Variants in NEK1 observed in about 807,000 individuals in gnomAD.
NEK1 encodes the protein NIMA related kinase 1.
A neutral mutation model predicts 182.1 loss-of-function variants in NEK1; 137 were observed. The observed-to-expected ratio is 0.75, with a 90% CI of 0.65 to 0.87. The LOEUF (loss-of-function observed/expected upper bound fraction) is 0.87. Ranked by LOEUF, NEK1 falls within the 40% of genes least tolerant of loss-of-function variation. NEK1 has a pLI of 0.00. For synonymous variants in NEK1, 513 were observed against 492.2 expected, an observed-to-expected ratio of 1.04 and a Z score of -0.56; for missense variants, 1,391 against 1,494.4, an observed-to-expected ratio of 0.93 and a Z score of 1.14.
intron 19 of NEK1, among the ~76,000 whole-genome samples, chr4:169,526,486 G>A (rs1050900421): frequency 1.9e-4 from 29 of 151,908 alleles, no homozygotes; most frequent in Admixed American, 1.8e-3. Flanking sequence ...GGGAAACCCC[G>A]TCTCTAAAAA....
At chr4:169,424,175 T>G (rs570615329) in intron 31 of NEK1, among the ~76,000 whole-genome samples, 2 of 152,318 alleles carry the variant, frequency 1.3e-5, no homozygotes, top group South Asian at 4.1e-4. Flanking sequence ...GAATATCTCT[T>G]AATGTTTTTA....
intron 31 of NEK1, among the ~76,000 whole-genome samples, chr4:169,419,211 A>G (rs1344126967): frequency 3.3e-5 from 5 of 152,168 alleles, no homozygotes; most frequent in Non-Finnish European, 7.3e-5. Flanking sequence ...ATATACATGA[A>G]GATAAGAAAG....
In NEK1 at chr4:169,585,272, TCTC is replaced by T. The variant is rs1767345458; in HGVS notation, c.807+74_807+76del. ...CCATTCCTCCAAGATCCAGATGTGT[TCTC>T]CTCAACACTGGAGGCCATGTCTTAG... On this transcript the variant is annotated intron_variant, in intron 10 of 35. Transcript: ENST00000507142. 8 of 983,538 alleles carry T rather than the reference TCTC, an allele frequency of 8.1e-6. No individual in the cohort carries two copies. In the Admixed American group the frequency reaches 1.7e-4, roughly 20 times the overall value. 60.9% of individuals were successfully genotyped at this position (983,538 alleles called of 1,614,324 possible).
chr4:169,402,123 TC>T (rs1244810141), intron 32 of NEK1, among the ~76,000 whole-genome samples: 4 of 152,178 alleles, frequency 2.6e-5, no homozygotes, highest in Non-Finnish European at 5.9e-5. Flanking sequence ...TTTAAAATGA[TC>T]CCAACTTGCC....
intron 5 of NEK1, 78 bp from the exon 6 acceptor site, chr4:169,590,887 C>T (rs1768369075): frequency 7.6e-6 from 7 of 917,280 alleles, no homozygotes; most frequent in Non-Finnish European, 1.2e-5. Context: ...ATGAGAGGAA[C>T]TAAATCCTTA....
Position 169,555,948 on chromosome 4 carries a change from G to A in NEK1, c.1414C>T (p.Arg472Ter), listed in dbSNP as rs969452649. ...TAGCCATACCTTTCTGGAAGACCTC[G>A]ACCATATATTTCTCTTTTCCATTTA... is the stretch of plus-strand genomic sequence containing the variant. The part of the protein sequence containing the change: ...EAKWKREIYG[R>*]GLPERGILPG... The change falls in exon 17 of 36, where the codon CGA (arginine) becomes TGA (stop). Residue 472 changes from arginine to a stop codon, truncating the protein, a stop_gained. Coordinates refer to ENST00000507142, the MANE Select transcript of NEK1 (RefSeq NM_001199397.3). LOFTEE classifies it high-confidence loss of function. 4 of 1,613,472 alleles carry A rather than the reference G, an allele frequency of 2.5e-6. No homozygotes were observed. In the South Asian group the frequency reaches 3.3e-5, roughly 13 times the overall value.
At chr4:169,488,141 A>G (rs946190169) in intron 23 of NEK1, among the ~76,000 whole-genome samples, 4 of 152,192 alleles carry the variant, frequency 2.6e-5, no homozygotes, top group East Asian at 1.9e-4. Flanking sequence ...CACTCTGATG[A>G]CAGTTTCTTT....
intron 12 of NEK1, among the ~76,000 whole-genome samples, chr4:169,571,164 A>G (rs2150004967): frequency 6.8e-6 from 1 of 146,478 alleles, no homozygotes; most frequent in South Asian, 2.2e-4. Flanking sequence ...GAAACACCCA[A>G]GAATGATCAA....
chr4:169,561,464 G>A lies in NEK1; in HGVS notation c.1266+16C>T, dbSNP rs759081223. The A allele has an allele frequency of 6.2e-7, 1 of 1,606,344 alleles. No individual in the cohort carries two copies. Among genetic ancestry groups the A allele is most frequent in the Non-Finnish European group, 8.5e-7 (1 of 1,173,124 alleles). On this transcript the variant is annotated intron_variant, in intron 16 of 35. Transcript: ENST00000507142. Reference sequence around the variant, plus strand: ...GGGAAAATGGTAGTATAACCATATTGGTATAAAATGCCTACCTTTACTTCA... The same window carrying A: ...GGGAAAATGGTAGTATAACCATATTAGTATAAAATGCCTACCTTTACTTCA...
chr4:169,440,840 T>G (rs1739309962), intron 27 of NEK1, among the ~76,000 whole-genome samples: 1 of 152,134 alleles, frequency 6.6e-6, no homozygotes, highest in Non-Finnish European at 1.5e-5. Context: ...AGTGATGCAT[T>G]ATTCTAGAGA....
intron 23 of NEK1, among the ~76,000 whole-genome samples, chr4:169,491,752 T>C (rs1057379869): frequency 6.6e-6 from 1 of 152,164 alleles, no homozygotes; most frequent in Non-Finnish European, 1.5e-5. Context: ...TGTAAATCTC[T>C]CAAATTGCTA....
intron 27 of NEK1, among the ~76,000 whole-genome samples, chr4:169,452,615 C>G (rs557528648): frequency 1.3e-5 from 2 of 152,112 alleles, no homozygotes; most frequent in Non-Finnish European, 1.5e-5. Flanking sequence ...ATTCAACAGC[C>G]CTTCATGCTA....
chr4:169,524,017 A>T (rs1756502138), intron 19 of NEK1, among the ~76,000 whole-genome samples: 1 of 152,234 alleles, frequency 6.6e-6, no homozygotes, highest in African/African-American at 2.4e-5. Context: ...TGTAAAATTC[A>T]GAGGTTCTTC....
intron 23 of NEK1, among the ~76,000 whole-genome samples, chr4:169,484,025 G>C (rs1748603514): frequency 6.6e-6 from 1 of 152,052 alleles, no homozygotes; most frequent in Admixed American, 6.5e-5. Flanking sequence ...CATACACTGA[G>C]AGAATAAAAA....
Position 169,580,854 on chromosome 4 carries a change from G to A in NEK1, c.856C>T (p.Gln286Ter). Residue 286 changes from glutamine (Q) to a stop codon, truncating the protein, a stop_gained, in exon 11 of 36, where the codon CAG becomes TAG. Coordinates refer to ENST00000507142, the MANE Select transcript of NEK1 (RefSeq NM_001199397.3). LOFTEE classifies it high-confidence loss of function. ...AGATTTCATTTACCTGGTATAGGCT[G>A]TGATCCAAACTTCGAAAATGTTTTT... ...CLKTFSKFGS[Q>*]PIPAKRPASG... 1 of 1,532,080 alleles carries A rather than the reference G, an allele frequency of 6.5e-7. No individual in the cohort carries two copies. Among genetic ancestry groups the A allele is most frequent in the South Asian group, 1.2e-5 (1 of 81,872 alleles). 94.9% of individuals were successfully genotyped at this position (1,532,080 alleles called of 1,614,324 possible).
Position 169,521,768 on chromosome 4 carries a change from C to T in NEK1, c.1666-12916G>A, listed in dbSNP as rs143339160. ...AAATGTTGTACCACTTCCTTCTAAA[C>T]TCCATGGTTTCAGATGAGAAACCTG... On this transcript the variant is annotated intron_variant, in intron 19 of 35. Coordinates refer to ENST00000507142, the MANE Select transcript of NEK1 (RefSeq NM_001199397.3). Among the ~76,000 whole-genome samples, 4 of 152,300 alleles carry T rather than the reference C, an allele frequency of 2.6e-5. No individual in the cohort carries two copies. The South Asian group carries it at 6.2e-4, about 24-fold the overall frequency.
chr4:169,593,895 A>G (rs1400613770), intron 5 of NEK1, among the ~76,000 whole-genome samples: 1 of 151,936 alleles, frequency 6.6e-6, no homozygotes, highest in Admixed American at 6.6e-5. Context: ...AGGCTGAGGC[A>G]GGAGAATGGC....
chr4:169,545,421 A>G (rs1405067518), intron 18 of NEK1, among the ~76,000 whole-genome samples: 420 of 151,152 alleles, frequency 2.8e-3, no homozygotes, highest in African/African-American at 9.4e-3. Context: ...TGGTGTATAT[A>G]TGCCACATTT....
chr4:169,426,323 G>C (rs1311380008), intron 29 of NEK1, 89 bp from the exon 30 acceptor site: 1 of 971,038 alleles, frequency 1.0e-6, no homozygotes, highest in East Asian at 2.6e-5. Context: ...TGGAACACAA[G>C]TTCACTAGCA....
Sources: gnomAD v4.1 joint callset for allele counts (sites outside exome capture counted in the v4.1 genomes callset) on GRCh38, gnomAD v4.1.1 for gene constraint, MANE v1.5 for transcripts, NCBI Gene and HGNC (gene_info 2026-07-23, HGNC 2026-07-21) for gene names.